The following MBD5 variants were observed in gnomAD, a reference collection of about 807,000 sequenced individuals.
MBD5 encodes the protein methyl-CpG-binding domain protein 5.
Under a neutral mutation model 117.3 loss-of-function variants are expected in MBD5, and 13 were observed. The ratio of observed to expected loss-of-function variants is 0.11; its 90% CI spans 0.07 to 0.18. The LOEUF is 0.18. MBD5 is among the 10% of genes least tolerant of loss of function. The pLI, the probability that MBD5 is intolerant of heterozygous loss-of-function variation, is 1.00. For synonymous variants in MBD5, 727 were observed against 766.4 expected (o/e 0.95, Z 0.85); for missense variants, 1,879 against 2,093.8 (o/e 0.90, Z 2.00).
At chr2:148,148,875 G>A (rs1697550523) in intron 1 of MBD5, among the ~76,000 whole-genome samples, 1 of 151,726 alleles carries the variant, frequency 6.6e-6, no homozygotes, top group Admixed American at 6.6e-5. Context: ...TGCCCTTGTG[G>A]GCAACACTGT....
chr2:148,362,485 G>A (rs1240246996), intron 4 of MBD5, among the ~76,000 whole-genome samples: 1 of 152,174 alleles, frequency 6.6e-6, no homozygotes, highest in Non-Finnish European at 1.5e-5. Context: ...AGCATCCCCA[G>A]TCAGGGACAT....
chr2:148,228,899 A>C (rs1217060074), intron 2 of MBD5, among the ~76,000 whole-genome samples: 1 of 152,078 alleles, frequency 6.6e-6, no homozygotes, highest in Non-Finnish European at 1.5e-5. Flanking sequence ...ATTTGCATAG[A>C]GGTGTTTATA....
At chr2:148,319,084 G>A (rs978749701) in intron 3 of MBD5, among the ~76,000 whole-genome samples, 3 of 151,994 alleles carry the variant, frequency 2.0e-5, no homozygotes, top group African/African-American at 7.2e-5. Flanking sequence ...TTATTTCTGG[G>A]TTCTCTATTC....
At chr2:148,446,494 C>G (rs1022156468) in intron 4 of MBD5, among the ~76,000 whole-genome samples, 5 of 152,008 alleles carry the variant, frequency 3.3e-5, no homozygotes, top group African/African-American at 1.2e-4. Context: ...TCCAGGATAG[C>G]TCTTCCAGGT....
At position 148,504,790 on chromosome 2, in the gene MBD5, A is replaced by T. The variant is rs544153605; in HGVS notation, c.5036+2281A>T. Among the ~76,000 whole-genome samples the T allele has an allele frequency of 1.4e-4, 22 of 152,310 alleles. 1 individual carries two copies. In the South Asian group the frequency reaches 4.1e-3, roughly 29 times the overall value. On this transcript the variant is annotated intron_variant, in intron 12 of 13. Transcript: ENST00000642680. ...GAAGATGGGGTGGGATAGTGTTTAG[A>T]TGAGAGCAGCAGTTGGATTTGGGGG...
chr2:148,246,561 G>T (rs1700341518), intron 3 of MBD5, among the ~76,000 whole-genome samples: 1 of 151,864 alleles, frequency 6.6e-6, no homozygotes, highest in African/African-American at 2.4e-5. Context: ...ATGAAGTCAG[G>T]AGTTCAAGAC....
intron 2 of MBD5, among the ~76,000 whole-genome samples, chr2:148,223,700 A>C (rs1275117731): frequency 6.6e-6 from 1 of 152,008 alleles, no homozygotes; most frequent in Non-Finnish European, 1.5e-5. Context: ...CTTTTCAAAA[A>C]ACTAACTTGT....
At chr2:148,480,776 C>T (rs1282548792) in intron 8 of MBD5, among the ~76,000 whole-genome samples, 1 of 151,390 alleles carries the variant, frequency 6.6e-6, no homozygotes, top group Admixed American at 6.6e-5. Flanking sequence ...GTTTTCTTAC[C>T]CTACTCTTGG....
chr2:148,361,881 A>C (rs1019010338), intron 4 of MBD5, among the ~76,000 whole-genome samples: 1 of 152,192 alleles, frequency 6.6e-6, no homozygotes, highest in African/African-American at 2.4e-5. Flanking sequence ...GGGAAGCACA[A>C]GGGGTTGGGG....
At chr2:148,505,158 A>G (rs1366815108) in intron 12 of MBD5, among the ~76,000 whole-genome samples, 2 of 152,154 alleles carry the variant, frequency 1.3e-5, no homozygotes, top group African/African-American at 4.8e-5. Flanking sequence ...CAGAATGTAA[A>G]GGAAAGGGAA....
chr2:148,055,344 G>T (rs946822704), intron 1 of MBD5: 4 of 151,016 alleles, frequency 2.6e-5, no homozygotes, highest in Non-Finnish European at 4.4e-5. Context: ...TCCGTTCAGG[G>T]TTTGGGATAA....
intron 3 of MBD5, among the ~76,000 whole-genome samples, chr2:148,256,695 A>G (rs1337622713): frequency 3.3e-5 from 5 of 152,236 alleles, no homozygotes; most frequent in Admixed American, 2.6e-4. Context: ...CCAAGCAGTT[A>G]TAGCACCTCG....
chr2:148,138,297 G>A (rs1697221484), intron 1 of MBD5, among the ~76,000 whole-genome samples: 1 of 152,156 alleles, frequency 6.6e-6, no homozygotes. Flanking sequence ...TGTTACAGAT[G>A]TAATAAATGA....
At chr2:148,257,753 CTG>C (rs1324953385) in intron 3 of MBD5, among the ~76,000 whole-genome samples, 1 of 152,194 alleles carries the variant, frequency 6.6e-6, no homozygotes, top group Admixed American at 6.5e-5. Flanking sequence ...TGCAGCAACA[CTG>C]TAAAAGTTCA....
rs762395909 is a variant in MBD5 at position 148,469,099 on chromosome 2, C to G, written c.1156C>G (p.His386Asp). The change falls in exon 8 of 14, where the codon CAC becomes GAC. Residue 386 changes from histidine (H) to aspartate (D), a missense_variant. Physicochemically the swap from His to Asp is moderately conservative, Grantham distance 81 (BLOSUM62 -1). Around this residue, in one of 4 missense-constraint regions of MBD5, gnomAD observed 1,666 missense variants for 1,792.2 expected, o/e 0.93. Transcript: ENST00000642680. ...INPTSFHSNV[H>D]SQVPMMNVSM... is the part of the protein sequence containing the mutation. ...TCCAACCAGTTTCCATTCAAATGTC[C>G]ACTCTCAGGTACCTATGATGAATGT... The G allele has an allele frequency of 1.2e-6, 2 of 1,613,988 alleles. No homozygotes were observed. The highest frequency in any genetic ancestry group is 4.5e-5 in the East Asian group (2 of 44,860).
chr2:148,359,214 G>A (rs1254147160), intron 4 of MBD5, among the ~76,000 whole-genome samples: 3 of 149,758 alleles, frequency 2.0e-5, no homozygotes, highest in Non-Finnish European at 2.9e-5. Flanking sequence ...TTGCAGTGAG[G>A]CATTATCACA....
intron 4 of MBD5, among the ~76,000 whole-genome samples, chr2:148,378,303 G>A (rs1307367548): frequency 6.6e-6 from 1 of 152,068 alleles, no homozygotes; most frequent in African/African-American, 2.4e-5. Flanking sequence ...TTTCAAAGTT[G>A]GCCTGAGTCA....
intron 1 of MBD5, among the ~76,000 whole-genome samples, chr2:148,024,161 G>A (rs898240785): frequency 2.0e-5 from 3 of 152,108 alleles, no homozygotes; most frequent in Non-Finnish European, 4.4e-5. Flanking sequence ...GCATGTTATT[G>A]TAAGAATATT....
chr2:148,031,084 T>C (rs1694024761), intron 1 of MBD5, among the ~76,000 whole-genome samples: 1 of 152,132 alleles, frequency 6.6e-6, no homozygotes, highest in Non-Finnish European at 1.5e-5. Context: ...ATATAATATA[T>C]GGGAATAAGA....
Sources: gnomAD v4.1 joint callset for allele counts (sites outside exome capture counted in the v4.1 genomes callset) on GRCh38, gnomAD v4.1.1 for gene constraint, gnomAD v4.1.1 regional missense constraint, MANE v1.5 for transcripts, NCBI Gene and HGNC (gene_info 2026-07-23, HGNC 2026-07-21) for gene names.